TRAPPC8: variants seen among roughly 807,000 people sequenced by gnomAD.
The protein encoded by TRAPPC8 is general sporulation gene 1 homolog.
TRAPPC8 carries 54 observed loss-of-function variants against 174.3 expected under a neutral mutation model. That is an observed-to-expected ratio of 0.31 (90% CI 0.25 to 0.39). The LOEUF is 0.39. TRAPPC8 is among the 10% of genes least tolerant of loss of function. The pLI is 1.00. For missense variants in TRAPPC8, 1,531 were observed against 1,699.1 expected (o/e 0.90, Z 1.74); for synonymous variants, 630 against 579.9 (o/e 1.09, Z -1.24).
chr18:31,880,114 TATATATA>T (rs1467830971), intron 12 of TRAPPC8, among the ~76,000 whole-genome samples: 14 of 84,046 alleles, frequency 1.7e-4, no homozygotes, highest in African/African-American at 3.4e-4. Context: ...TATATATATA[TATATATA>T]TTTTTTTTTT....
chr18:31,942,987 G>T lies in TRAPPC8; in HGVS notation c.-223C>A. On this transcript the variant is annotated 5_prime_UTR_variant, in exon 1 of 29. Coordinates refer to ENST00000283351, the MANE Select transcript of TRAPPC8 (RefSeq NM_014939.5). Reference sequence around the variant, plus strand: ...CCGTCACCGCCGCTTCTCAGCGCTCGTCCCCGCGTGCTCGCATTCCACCCC... The same window carrying T: ...CCGTCACCGCCGCTTCTCAGCGCTCTTCCCCGCGTGCTCGCATTCCACCCC... The T allele has an allele frequency of 2.1e-6, 2 of 937,242 alleles. No individual in the cohort carries two copies. Among genetic ancestry groups the T allele is most frequent in the Non-Finnish European group, 2.8e-6 (2 of 717,046 alleles). The allele number at this position is 937,242 out of a possible 1,614,324, so 58.1% of individuals were successfully genotyped here. A position where few individuals can be genotyped will look rare whatever the true frequency, so the allele number is the denominator to read the frequency against.
At chr18:31,904,395 C>T (rs985657696) in intron 9 of TRAPPC8, among the ~76,000 whole-genome samples, 6 of 152,208 alleles carry the variant, frequency 3.9e-5, no homozygotes, top group Middle Eastern at 3.4e-3. Flanking sequence ...ACTAAAAATA[C>T]AAAATTAGCC....
Position 31,907,603 on chromosome 18 carries a change from G to T in TRAPPC8, c.1246C>A (p.Pro416Thr), listed in dbSNP as rs764221118. 6.2e-7 allele frequency: 1 copy of T among 1,605,578 alleles called. No homozygotes were observed. ...CTGATTTGAAGTTCTGGTGCTTCCG[G>T]CGGATACCTGTAAATACAAAAGAAA... ...LKNTSGLLYP[P>T]EAPELQIRKM... Residue 416 changes from proline (P) to threonine (T), a missense_variant, in exon 9 of 29, where the codon CCG becomes ACG. Physicochemically the swap from Pro to Thr is conservative, Grantham distance 38. Transcript: ENST00000283351.
rs115575342 is a variant in TRAPPC8 at position 31,848,769 on chromosome 18, A to T, written c.3735+797T>A. On this transcript the variant is annotated intron_variant, in intron 25 of 28. Coordinates refer to ENST00000283351, the MANE Select transcript of TRAPPC8 (RefSeq NM_014939.5). ...GTTCGGGTGATTATTCTTGGACAAG[A>T]TCCTTAATTTTACTGCAGAATAATT... Among the ~76,000 whole-genome samples, 1,104 of 152,318 alleles carry T rather than the reference A, an allele frequency of 7.2e-3. 15 individuals are homozygous for T. Among genetic ancestry groups the T allele is most frequent in the African/African-American group, 0.025 (1,059 of 41,574 alleles).
chr18:31,938,376 AATTTT>A (rs1212383301), intron 1 of TRAPPC8, among the ~76,000 whole-genome samples: 3 of 151,740 alleles, frequency 2.0e-5, no homozygotes, highest in East Asian at 1.9e-4. Context: ...AATATAATTT[AATTTT>A]AACATAATTT....
chr18:31,902,184 A>G (rs968224548), intron 9 of TRAPPC8, among the ~76,000 whole-genome samples: 6 of 152,176 alleles, frequency 3.9e-5, no homozygotes, highest in Admixed American at 3.9e-4. Flanking sequence ...CACCCTCAAC[A>G]GCCAGAAGTG....
At chr18:31,853,588 A>T (rs1003607298) in intron 22 of TRAPPC8, among the ~76,000 whole-genome samples, 3 of 152,126 alleles carry the variant, frequency 2.0e-5, no homozygotes, top group Non-Finnish European at 4.4e-5. Flanking sequence ...TTTTGACAGT[A>T]ATCATGTACC....
chr18:31,890,972 T>A (rs1217090239), intron 11 of TRAPPC8, 106 bp from the exon 12 acceptor site: 10 of 1,089,514 alleles, frequency 9.2e-6, no homozygotes, highest in Non-Finnish European at 1.2e-5. Context: ...ATATCCAATG[T>A]TTAACTTAAG....
chr18:31,887,988 C>T (rs145061422), intron 12 of TRAPPC8, among the ~76,000 whole-genome samples: 7 of 152,244 alleles, frequency 4.6e-5, no homozygotes, highest in African/African-American at 1.7e-4. Flanking sequence ...AGCTGATAAG[C>T]AACTTCAGCA....
chr18:31,836,352 T>C (rs1259702099), intron 27 of TRAPPC8, among the ~76,000 whole-genome samples: 2 of 152,240 alleles, frequency 1.3e-5, no homozygotes, highest in African/African-American at 4.8e-5. Context: ...TCTTCTACTT[T>C]AGTTTGATCA....
At chr18:31,860,390 G>A (rs1364158263) in intron 19 of TRAPPC8, among the ~76,000 whole-genome samples, 1 of 151,758 alleles carries the variant, frequency 6.6e-6, no homozygotes, top group Non-Finnish European at 1.5e-5. Context: ...AAGATTTAGG[G>A]GGAAAGATTT....
chr18:31,914,063 T>C (rs1202332205), intron 4 of TRAPPC8, among the ~76,000 whole-genome samples: 1 of 144,394 alleles, frequency 6.9e-6, no homozygotes, highest in Non-Finnish European at 1.5e-5. Flanking sequence ...CCCAGGAGGC[T>C]GAGGTGGGAA....
chr18:31,854,201 T>C (rs2033870772), intron 21 of TRAPPC8, among the ~76,000 whole-genome samples: 2 of 152,196 alleles, frequency 1.3e-5, no homozygotes, highest in Admixed American at 6.5e-5. Flanking sequence ...GCCACTGAGT[T>C]ATTAAAGCCT....
intron 9 of TRAPPC8, among the ~76,000 whole-genome samples, chr18:31,905,294 C>T (rs770676802): frequency 2.0e-4 from 31 of 152,130 alleles, no homozygotes; most frequent in Non-Finnish European, 3.8e-4. Context: ...GTATTATAAA[C>T]TTATATCCTT....
intron 4 of TRAPPC8, among the ~76,000 whole-genome samples, chr18:31,913,817 C>A (rs550761595): frequency 6.6e-6 from 1 of 152,066 alleles, no homozygotes; most frequent in Non-Finnish European, 1.5e-5. Flanking sequence ...CACTCCTCTA[C>A]GTTATTCAAA....
At chr18:31,919,589 T>A (rs142700563) in intron 2 of TRAPPC8, among the ~76,000 whole-genome samples, 93 of 52,956 alleles carry the variant, frequency 1.8e-3, no homozygotes, top group Middle Eastern at 0.016. Flanking sequence ...AATAAATAAA[T>A]AAAATAATAA....
intron 4 of TRAPPC8, among the ~76,000 whole-genome samples, chr18:31,915,952 G>C (rs2037125629): frequency 6.7e-6 from 1 of 149,492 alleles, no homozygotes; most frequent in South Asian, 2.1e-4. Flanking sequence ...AGCTACTCAG[G>C]AGGCTGAGGC....
intron 5 of TRAPPC8, among the ~76,000 whole-genome samples, chr18:31,909,987 T>C (rs1272091620): frequency 6.6e-6 from 1 of 152,144 alleles, no homozygotes; most frequent in Non-Finnish European, 1.5e-5. Flanking sequence ...CTCAAGCTAC[T>C]ATCCTAATTC....
intron 5 of TRAPPC8, 43 bp downstream of exon 5, chr18:31,913,326 A>G (rs1178266969): frequency 1.4e-5 from 22 of 1,526,920 alleles, no homozygotes; most frequent in Non-Finnish European, 1.9e-5. Flanking sequence ...TAAAAACTGA[A>G]GTATCGTTTT....
Sources: gnomAD v4.1 joint callset for allele counts (sites outside exome capture counted in the v4.1 genomes callset) on GRCh38, gnomAD v4.1.1 for gene constraint, MANE v1.5 for transcripts, NCBI Gene and HGNC (gene_info 2026-07-23, HGNC 2026-07-21) for gene names.